The following PTPRD variants were observed in gnomAD, a reference collection of about 807,000 sequenced individuals.
The protein encoded by PTPRD is protein tyrosine phosphatase receptor type D, also known as receptor-type tyrosine-protein phosphatase delta.
A neutral mutation model predicts 214.5 loss-of-function variants in PTPRD; 34 were observed. The ratio of observed to expected loss-of-function variants is 0.16; its 90% confidence interval spans 0.12 to 0.21. PTPRD has a LOEUF of 0.21. PTPRD is among the 10% of genes least tolerant of loss of function. PTPRD has a pLI of 1.00. For synonymous variants in PTPRD, 1,128 were observed against 845.7 expected (o/e 1.33, Z -5.79); for missense variants, 2,545 against 2,398.7 (o/e 1.06, Z -1.27).
Position 10,053,873 on chromosome 9 carries a change from C to G in PTPRD, c.-544-20083G>C, listed in dbSNP as rs116033460. On this transcript the variant is annotated intron_variant, in intron 3 of 45. Coordinates refer to ENST00000381196, the MANE Select transcript of PTPRD (RefSeq NM_002839.4). Reference sequence around the variant, plus strand: ...TCACGGGTTCAAGAGAGTCTCGTGCCTCATCCTACTGAGTAGCGGGGATTA... The same window carrying G: ...TCACGGGTTCAAGAGAGTCTCGTGCGTCATCCTACTGAGTAGCGGGGATTA... Among the ~76,000 whole-genome samples the G allele has an allele frequency of 8.3e-3, 1,268 of 152,182 alleles. 15 individuals carry two copies. Among genetic ancestry groups the G allele is most frequent in the African/African-American group, 0.028 (1,173 of 41,514 alleles).
At chr9:10,546,307 C>T (rs2060160602) in intron 2 of PTPRD, among the ~76,000 whole-genome samples, 1 of 151,922 alleles carries the variant, frequency 6.6e-6, no homozygotes, top group Admixed American at 6.6e-5. Context: ...ATTATCTTAA[C>T]ATTTTCCTCA....
intron 9 of PTPRD, among the ~76,000 whole-genome samples, chr9:9,291,655 A>AT (rs1275249408): frequency 6.6e-6 from 1 of 151,164 alleles, no homozygotes; most frequent in Admixed American, 6.6e-5. Flanking sequence ...CATCTGAACT[A>AT]TTTTTTCCAT....
intron 2 of PTPRD, among the ~76,000 whole-genome samples, chr9:10,438,732 C>G (rs1332924180): frequency 6.6e-6 from 1 of 151,732 alleles, no homozygotes; most frequent in Non-Finnish European, 1.5e-5. Flanking sequence ...AAAATATAAA[C>G]TTTTAAAATC....
At chr9:10,082,695 C>G (rs1169908256) in intron 3 of PTPRD, among the ~76,000 whole-genome samples, 1 of 151,758 alleles carries the variant, frequency 6.6e-6, no homozygotes, top group Non-Finnish European at 1.5e-5. Context: ...AACTTAAGAA[C>G]AGCTGACAAA....
At chr9:8,413,665 C>A (rs1270141374) in intron 35 of PTPRD, among the ~76,000 whole-genome samples, 1 of 152,084 alleles carries the variant, frequency 6.6e-6, no homozygotes, top group Non-Finnish European at 1.5e-5. Context: ...AGAAGTCACA[C>A]AGGATGATCA....
chr9:8,971,739 A>G (rs2099239758), intron 11 of PTPRD, among the ~76,000 whole-genome samples: 1 of 151,208 alleles, frequency 6.6e-6, no homozygotes, highest in South Asian at 2.1e-4. Context: ...TGAACAATTA[A>G]TATGTGGCAA....
At chr9:10,532,442 A>C (rs2056614713) in intron 2 of PTPRD, 1 of 71,356 alleles carries the variant, frequency 1.4e-5, no homozygotes, top group Non-Finnish European at 4.3e-5. Context: ...AGTGTTCCTA[A>C]AATAAATAAA....
chr9:9,758,769 C>A (rs1196372462), intron 6 of PTPRD, among the ~76,000 whole-genome samples: 3 of 149,982 alleles, frequency 2.0e-5, no homozygotes, highest in African/African-American at 7.4e-5. Flanking sequence ...ACTACTCCCA[C>A]CCCCCATATA....
intron 11 of PTPRD, among the ~76,000 whole-genome samples, chr9:8,742,930 G>A (rs1371486879): frequency 1.3e-5 from 2 of 151,966 alleles, no homozygotes; most frequent in Non-Finnish European, 2.9e-5. Context: ...GCGCAAGAAG[G>A]GTGACCCATG....
chr9:10,546,681 C>A (rs940047930), intron 2 of PTPRD, among the ~76,000 whole-genome samples: 1 of 151,740 alleles, frequency 6.6e-6, no homozygotes, highest in Non-Finnish European at 1.5e-5. Flanking sequence ...GCATCCTTAT[C>A]AATGAAGCAT....
chr9:8,330,254 C>A (rs1224158573), intron 44 of PTPRD, among the ~76,000 whole-genome samples: 1 of 152,172 alleles, frequency 6.6e-6, no homozygotes, highest in African/African-American at 2.4e-5. Context: ...CGCAGAAATC[C>A]CCTGCCTTCT....
chr9:8,419,245 A>G (rs1235842602), intron 35 of PTPRD, among the ~76,000 whole-genome samples: 1 of 151,348 alleles, frequency 6.6e-6, no homozygotes, highest in African/African-American at 2.4e-5. Flanking sequence ...AAAAAAAAAA[A>G]AAAAAGAAAA....
chr9:8,498,266 AT>A (rs953352320), intron 25 of PTPRD, among the ~76,000 whole-genome samples: 8 of 151,974 alleles, frequency 5.3e-5, no homozygotes, highest in Non-Finnish European at 1.2e-4. Context: ...TTGCTGTCTT[AT>A]TTTTTTATTT....
chr9:10,067,054 G>A (rs983655390), intron 3 of PTPRD, among the ~76,000 whole-genome samples: 3 of 151,852 alleles, frequency 2.0e-5, no homozygotes, highest in Non-Finnish European at 2.9e-5. Context: ...ATTTGGCCGT[G>A]CTTATGAGGG....
chr9:9,383,631 A>ATCTATGCT (rs1292141488), intron 9 of PTPRD, among the ~76,000 whole-genome samples: 2 of 152,180 alleles, frequency 1.3e-5, no homozygotes, highest in East Asian at 3.9e-4. Context: ...CACTTTTTAT[A>ATCTATGCT]TCTATGCTTA....
rs574849497 is a variant in PTPRD at position 9,211,212 on chromosome 9, A to G, written c.-202-27849T>C. Among the ~76,000 whole-genome samples, 7 of 152,120 alleles carry G rather than the reference A, an allele frequency of 4.6e-5. No individual in the cohort carries two copies. The South Asian group carries it at 1.5e-3, about 32-fold the overall frequency. ...CTTATAAAGGTCTGTATTGCCTGGT[A>G]TTTAATCATACAGACTCTGAAGCTC... On this transcript the variant is annotated intron_variant, in intron 9 of 45. Transcript: ENST00000381196.
chr9:10,309,297 A>C (rs776794442), intron 3 of PTPRD, among the ~76,000 whole-genome samples: 14 of 151,840 alleles, frequency 9.2e-5, no homozygotes, highest in Non-Finnish European at 1.5e-4. Flanking sequence ...TAATTTCATA[A>C]ATACTATTCC....
chr9:8,739,553 C>T (rs1414332123), intron 11 of PTPRD, among the ~76,000 whole-genome samples: 1 of 152,196 alleles, frequency 6.6e-6, no homozygotes, highest in African/African-American at 2.4e-5. Context: ...TACAGGTTTA[C>T]AGCACTGAAC....
intron 3 of PTPRD, among the ~76,000 whole-genome samples, chr9:10,260,420 AACAGAT>A (rs1356506433): frequency 3.3e-5 from 5 of 152,122 alleles, no homozygotes; most frequent in African/African-American, 9.7e-5. Context: ...TTTTTTTGTC[AACAGAT>A]ACAGAGTTTC....
Sources: allele counts gnomAD v4.1 joint callset (sites outside exome capture counted in the v4.1 genomes callset), GRCh38; gene constraint gnomAD v4.1.1; transcripts MANE v1.5; gene names NCBI Gene and HGNC (gene_info 2026-07-23, HGNC 2026-07-21).